SLC44A1: variants seen among roughly 807,000 people sequenced by gnomAD.
SLC44A1 encodes choline transporter-like protein 1.
A neutral mutation model predicts 79.3 loss-of-function variants in SLC44A1; 26 were observed. The ratio of observed to expected loss-of-function variants is 0.33; its 90% CI spans 0.24 to 0.46. The LOEUF (loss-of-function observed/expected upper bound fraction) is 0.46. Ranked by LOEUF, SLC44A1 falls within the 20% of genes least tolerant of loss-of-function variation. SLC44A1 has a pLI of 1.00. For missense variants in SLC44A1, 688 were observed against 798.1 expected (o/e 0.86, Z 1.66); for synonymous variants, 263 against 286.2 (o/e 0.92, Z 0.82).
At chr9:105,434,554 A>G (rs910338488) in intron 15 of SLC44A1, among the ~76,000 whole-genome samples, 2 of 152,230 alleles carry the variant, frequency 1.3e-5, no homozygotes, top group African/African-American at 2.4e-5. Context: ...CCTTTACACC[A>G]TACATTTATA....
At chr9:105,353,540 G>A (rs1000214524) in intron 5 of SLC44A1, among the ~76,000 whole-genome samples, 4 of 152,144 alleles carry the variant, frequency 2.6e-5, no homozygotes, top group Admixed American at 1.3e-4. Context: ...GAGACTTACA[G>A]AGTGCTTACT....
At position 105,394,859 on chromosome 9, in the gene SLC44A1, A is replaced by G. The variant is rs1828844228; in HGVS notation, c.*5803A>G. On this transcript the variant is annotated 3_prime_UTR_variant, in exon 16 of 16. Coordinates refer to ENST00000374720, the MANE Select transcript of SLC44A1 (RefSeq NM_080546.5). Reference sequence around the variant, plus strand: ...CTGTTTTAGTGTTTTCCAGTCACCCACTAGAGCAGCTTCAGATTCCTCTGC... The same window carrying G: ...CTGTTTTAGTGTTTTCCAGTCACCCGCTAGAGCAGCTTCAGATTCCTCTGC... The G allele has an allele frequency of 7.1e-6, 7 of 985,324 alleles. No individual in the cohort carries two copies. The highest frequency in any genetic ancestry group is 5.2e-4 in the Middle Eastern group (1 of 1,936). The allele number at this position is 985,324 out of a possible 1,614,324, so 61.0% of individuals were successfully genotyped here.
At chr9:105,373,781 A>C (rs527325513) in intron 12 of SLC44A1, among the ~76,000 whole-genome samples, 2 of 152,338 alleles carry the variant, frequency 1.3e-5, no homozygotes, top group South Asian at 2.1e-4. Flanking sequence ...AAACAGCTAT[A>C]GCCATTCAAA....
chr9:105,324,241 G>A (rs560583930), intron 3 of SLC44A1, among the ~76,000 whole-genome samples: 12 of 149,636 alleles, frequency 8.0e-5, no homozygotes, highest in African/African-American at 2.0e-4. Context: ...GTGATTCACC[G>A]TGCCCGGAAT....
intron 1 of SLC44A1, among the ~76,000 whole-genome samples, chr9:105,246,438 T>G (rs1267299927): frequency 1.3e-5 from 2 of 151,198 alleles, no homozygotes; most frequent in Non-Finnish European, 2.9e-5. Flanking sequence ...AGCATTATAG[T>G]CAGGCTTTTT....
intron 1 of SLC44A1, among the ~76,000 whole-genome samples, chr9:105,279,890 C>T (rs1830310689): frequency 6.6e-6 from 1 of 152,164 alleles, no homozygotes; most frequent in African/African-American, 2.4e-5. Context: ...GTATCTTTCT[C>T]AAGTGTTAGC....
At chr9:105,283,896 A>G (rs1335478363) in intron 1 of SLC44A1, among the ~76,000 whole-genome samples, 1 of 152,188 alleles carries the variant, frequency 6.6e-6, no homozygotes. Context: ...GTGGAAGGCA[A>G]GAGCACAGTC....
chr9:105,257,249 A>G (rs1406385109), intron 1 of SLC44A1, among the ~76,000 whole-genome samples: 3 of 151,878 alleles, frequency 2.0e-5, no homozygotes, highest in Non-Finnish European at 4.4e-5. Context: ...AGCATGTGCC[A>G]CCACGCCTGG....
chr9:105,280,811 C>G (rs1254829572), intron 1 of SLC44A1, among the ~76,000 whole-genome samples: 1 of 152,154 alleles, frequency 6.6e-6, no homozygotes, highest in Non-Finnish European at 1.5e-5. Context: ...TGCTGATTTC[C>G]ATGGTGTATA....
intron 7 of SLC44A1, among the ~76,000 whole-genome samples, chr9:105,359,356 C>A (rs967562565): frequency 6.6e-6 from 1 of 151,722 alleles, no homozygotes; most frequent in Non-Finnish European, 1.5e-5. Flanking sequence ...TAAACAATGA[C>A]CTTAGGAGAA....
chr9:105,297,554 T>G (rs1318189702), intron 1 of SLC44A1, among the ~76,000 whole-genome samples: 1 of 152,134 alleles, frequency 6.6e-6, no homozygotes, highest in Non-Finnish European at 1.5e-5. Context: ...CGTTTAACTT[T>G]GTATTTTTAG....
chr9:105,327,515 TCAA>T (rs1826617314), intron 3 of SLC44A1, among the ~76,000 whole-genome samples: 1 of 152,150 alleles, frequency 6.6e-6, no homozygotes, highest in Admixed American at 6.5e-5. Context: ...ACTCCTGACC[TCAA>T]GTGATCTGCC....
At chr9:105,342,681 A>C (rs1267174165) in intron 4 of SLC44A1, among the ~76,000 whole-genome samples, 1 of 152,184 alleles carries the variant, frequency 6.6e-6, no homozygotes, top group Admixed American at 6.5e-5. Context: ...CCCATTGTTC[A>C]GCATGGGCAT....
At chr9:105,356,138 T>G in intron 5 of SLC44A1, 74 bp from the exon 6 acceptor site, 1 of 1,144,374 alleles carries the variant, frequency 8.7e-7, no homozygotes, top group Non-Finnish European at 1.3e-6. Flanking sequence ...TCACCTTTCA[T>G]TTGTGTGTTT....
chr9:105,351,531 T>TGAAAGAAA (rs752503504), intron 5 of SLC44A1, among the ~76,000 whole-genome samples: 13 of 55,272 alleles, frequency 2.4e-4, no homozygotes, highest in Non-Finnish European at 4.8e-4. Flanking sequence ...AGACCCTGTC[T>TGAAAGAAA]GAAAGAAAGA....
intron 4 of SLC44A1, among the ~76,000 whole-genome samples, chr9:105,338,113 A>G (rs1374555757): frequency 1.3e-5 from 2 of 152,252 alleles, no homozygotes; most frequent in African/African-American, 2.4e-5. Flanking sequence ...GACAGCATCC[A>G]GAAGCACAAC....
chr9:105,407,001 G>A (rs567165739), intron 15 of SLC44A1, among the ~76,000 whole-genome samples: 2 of 152,110 alleles, frequency 1.3e-5, no homozygotes, highest in African/African-American at 4.8e-5. Context: ...ACTAAGAGGG[G>A]TTCAGTAGCA....
chr9:105,277,879 G>A (rs1323063811), intron 1 of SLC44A1, among the ~76,000 whole-genome samples: 1 of 152,172 alleles, frequency 6.6e-6, no homozygotes, highest in Non-Finnish European at 1.5e-5. Flanking sequence ...CTTGTTTCCA[G>A]TATCACAGTC....
chr9:105,376,978 A>G (rs899077100), intron 13 of SLC44A1, among the ~76,000 whole-genome samples: 5 of 152,216 alleles, frequency 3.3e-5, no homozygotes, highest in African/African-American at 2.4e-5. Context: ...ACTGTGTGCT[A>G]TAATTGCCTC....
Sources: allele counts gnomAD v4.1 joint callset (sites outside exome capture counted in the v4.1 genomes callset), GRCh38; gene constraint gnomAD v4.1.1; transcripts MANE v1.5; gene names NCBI Gene and HGNC (gene_info 2026-07-23, HGNC 2026-07-21).